CAST: variants seen among roughly 807,000 people sequenced by gnomAD.
CAST encodes MIR583 host.
Under a neutral mutation model 119.6 loss-of-function variants are expected in CAST, and 76 were observed. The observed-to-expected ratio is 0.64, with a 90% CI of 0.53 to 0.77. The LOEUF is 0.77. Ranked by LOEUF, CAST falls within the 30% of genes least tolerant of loss-of-function variation. The probability of loss-of-function intolerance (pLI) is 0.00; values close to 1 mark genes in which losing one functional copy is unlikely to be tolerated. For missense variants in CAST, 953 were observed against 946.5 expected, an observed-to-expected ratio of 1.01 and a Z score of -0.09; for synonymous variants, 319 against 331.6, an observed-to-expected ratio of 0.96 and a Z score of 0.41.
chr5:96,361,351 G>A, the CAST span, among the ~76,000 whole-genome samples: 1,398 of 152,130 alleles, frequency 9.2e-3, 18 homozygotes, highest in African/African-American at 0.032. Flanking sequence ...GTTCTGTTTC[G>A]CTGGCATTCC....
the CAST span, among the ~76,000 whole-genome samples, chr5:96,164,002 G>A: frequency 6.6e-6 from 1 of 151,980 alleles, no homozygotes; most frequent in African/African-American, 2.4e-5. Context: ...TTAACTCATA[G>A]GATTGTTGTA....
the CAST span, among the ~76,000 whole-genome samples, chr5:96,244,014 CTTA>C: frequency 6.6e-6 from 1 of 152,246 alleles, no homozygotes; most frequent in African/African-American, 2.4e-5. Flanking sequence ...TGAGTGCACT[CTTA>C]TTATTCTTAA....
intron 1 of CAST, among the ~76,000 whole-genome samples, chr5:96,565,700 T>TAAG (rs59403475): frequency 0.043 from 6,618 of 152,168 alleles, 250 homozygotes; most frequent in African/African-American, 0.098. Context: ...TAATTTTTCC[T>TAAG]AAGGCAGCCC....
At chr5:96,376,654 C>T in the CAST span, among the ~76,000 whole-genome samples, 1 of 152,140 alleles carries the variant, frequency 6.6e-6, no homozygotes, top group African/African-American at 2.4e-5. Flanking sequence ...TGGGCCAGGC[C>T]GGTCTTGAAC....
the CAST span, among the ~76,000 whole-genome samples, chr5:96,369,001 CT>C: frequency 6.6e-6 from 1 of 151,978 alleles, no homozygotes; most frequent in Non-Finnish European, 1.5e-5. Context: ...GGTTAGAATT[CT>C]GAAACTTTAC....
At chr5:96,686,500 G>C (rs1752100689) in intron 2 of CAST, among the ~76,000 whole-genome samples, 1 of 152,156 alleles carries the variant, frequency 6.6e-6, no homozygotes, top group South Asian at 2.1e-4. Context: ...GAAGTGGAGG[G>C]TCAGTAGGGC....
At chr5:95,983,438 CCA>C in the CAST span, among the ~76,000 whole-genome samples, 1 of 152,082 alleles carries the variant, frequency 6.6e-6, no homozygotes, top group African/African-American at 2.4e-5. Context: ...CACAAAAGAT[CCA>C]CACACACACA....
chr5:96,111,844 G>T, the CAST span, among the ~76,000 whole-genome samples: 41 of 151,908 alleles, frequency 2.7e-4, no homozygotes, highest in African/African-American at 9.7e-4. Flanking sequence ...AATTTGTCTT[G>T]CTATGTTTCC....
chr5:96,262,874 G>A, the CAST span, among the ~76,000 whole-genome samples: 443 of 152,228 alleles, frequency 2.9e-3, 1 homozygote, highest in South Asian at 7.5e-3. Context: ...CCTGACCAAG[G>A]ATAGGTCTTC....
chr5:96,262,373 C>G, the CAST span, among the ~76,000 whole-genome samples: 1 of 152,160 alleles, frequency 6.6e-6, no homozygotes, highest in Non-Finnish European at 1.5e-5. Flanking sequence ...TTTTCATATG[C>G]TGAGTGCTGT....
intron 1 of CAST, among the ~76,000 whole-genome samples, chr5:96,617,533 T>C (rs1747486347): frequency 6.6e-6 from 1 of 152,032 alleles, no homozygotes; most frequent in Admixed American, 6.5e-5. Context: ...CTCATGCCTG[T>C]AATCCCGGCA....
At chr5:96,111,015 G>C in the CAST span, 20 of 152,264 alleles carry the variant, frequency 1.3e-4, 1 homozygote, top group East Asian at 2.7e-3. Context: ...GGTGAGTGCA[G>C]ACCCTACAGG....
At chr5:96,567,373 C>T (rs1284413945) in intron 1 of CAST, among the ~76,000 whole-genome samples, 1 of 152,168 alleles carries the variant, frequency 6.6e-6, no homozygotes, top group East Asian at 1.9e-4. Context: ...TTTCCTATGC[C>T]TCCCCAGTGG....
At chr5:96,530,113 A>G (rs568675438) in intron 1 of CAST, among the ~76,000 whole-genome samples, 5 of 152,318 alleles carry the variant, frequency 3.3e-5, no homozygotes, top group African/African-American at 9.6e-5. Context: ...TAATAATTTC[A>G]AATTTGTAAA....
the CAST span, among the ~76,000 whole-genome samples, chr5:96,331,711 A>G: frequency 2.0e-5 from 3 of 152,354 alleles, no homozygotes; most frequent in South Asian, 2.1e-4. Context: ...TTTGTTGACA[A>G]CATTACATAT....
the CAST span, among the ~76,000 whole-genome samples, chr5:96,425,344 A>C: frequency 6.6e-6 from 1 of 152,242 alleles, no homozygotes; most frequent in Non-Finnish European, 1.5e-5. Flanking sequence ...AGACATTTGC[A>C]ATAGACTTTT....
the CAST span, among the ~76,000 whole-genome samples, chr5:96,484,609 G>A: frequency 5.9e-5 from 9 of 151,966 alleles, no homozygotes; most frequent in South Asian, 2.1e-4. Flanking sequence ...GGTTAATCTC[G>A]GTTTACTAAA....
At chr5:96,088,605 G>C in the CAST span, among the ~76,000 whole-genome samples, 1 of 152,174 alleles carries the variant, frequency 6.6e-6, no homozygotes, top group Non-Finnish European at 1.5e-5. Flanking sequence ...AAATCCATCA[G>C]GGATTTATTC....
the CAST span, among the ~76,000 whole-genome samples, chr5:96,103,005 C>A: frequency 1.3e-5 from 2 of 151,938 alleles, no homozygotes; most frequent in Non-Finnish European, 2.9e-5. Context: ...TTGTTCCATG[C>A]ACTGATCTAA....
Sources: allele counts gnomAD v4.1 joint callset (sites outside exome capture counted in the v4.1 genomes callset), GRCh38; gene constraint gnomAD v4.1.1; transcripts MANE v1.5; gene names NCBI Gene and HGNC (gene_info 2026-07-23, HGNC 2026-07-21).